The following UBTD2 variants were observed in gnomAD, a reference collection of about 807,000 sequenced individuals.
UBTD2 encodes ubiquitin domain containing 2.
Under a neutral mutation model 19.8 loss-of-function variants are expected in UBTD2, and 9 were observed. That is an observed-to-expected ratio of 0.46 (90% CI 0.27 to 0.79). UBTD2 has a LOEUF of 0.79. Ranked by LOEUF, UBTD2 falls within the 30% of genes least tolerant of loss-of-function variation. The pLI is 0.14. For missense variants in UBTD2, 250 were observed against 300.4 expected (o/e 0.83, Z 1.24); for synonymous variants, 98 against 103.9 (o/e 0.94, Z 0.35).
intron 1 of UBTD2, among the ~76,000 whole-genome samples, chr5:172,243,719 T>C (rs10077514): frequency 0.32 from 48,838 of 151,424 alleles, 7,950 homozygotes; most frequent in South Asian, 0.42. Context: ...CCTGCCACCA[T>C]GCCTGGCTAA....
chr5:172,257,856 G>A (rs1256723173), intron 1 of UBTD2, among the ~76,000 whole-genome samples: 2 of 152,104 alleles, frequency 1.3e-5, no homozygotes, highest in Non-Finnish European at 2.9e-5. Flanking sequence ...ATTTTTTAAT[G>A]GGGTTGTTTG....
At chr5:172,259,567 G>A (rs965235160) in intron 1 of UBTD2, among the ~76,000 whole-genome samples, 88 of 152,212 alleles carry the variant, frequency 5.8e-4, no homozygotes, top group Non-Finnish European at 1.2e-3. Flanking sequence ...ATGTATATAT[G>A]TTGTATGTGT....
chr5:172,264,317 C>T (rs547234344), intron 1 of UBTD2, among the ~76,000 whole-genome samples: 96 of 152,014 alleles, frequency 6.3e-4, no homozygotes, highest in African/African-American at 2.2e-3. Flanking sequence ...GAGGCTGAGG[C>T]GGGCGGATCA....
intron 1 of UBTD2, among the ~76,000 whole-genome samples, chr5:172,242,076 CCT>C (rs1159065743): frequency 6.6e-6 from 1 of 152,172 alleles, no homozygotes; most frequent in Non-Finnish European, 1.5e-5. Context: ...CACTTCCTCC[CCT>C]TTTTTTCTCT....
At chr5:172,230,014 G>C (rs1405654935) in intron 2 of UBTD2, among the ~76,000 whole-genome samples, 2 of 152,160 alleles carry the variant, frequency 1.3e-5, no homozygotes, top group Non-Finnish European at 2.9e-5. Context: ...ATAACATGCT[G>C]TGCAAATCAT....
chr5:172,258,577 TAAC>T (rs1755205748), intron 1 of UBTD2, among the ~76,000 whole-genome samples: 1 of 152,236 alleles, frequency 6.6e-6, no homozygotes, highest in Non-Finnish European at 1.5e-5. Context: ...ATGCCCATCT[TAAC>T]AATATTGATT....
chr5:172,268,836 A>T (rs904182796), intron 1 of UBTD2, among the ~76,000 whole-genome samples: 3 of 152,212 alleles, frequency 2.0e-5, no homozygotes, highest in African/African-American at 7.2e-5. Context: ...AAATGCTGAT[A>T]AGATCTGATT....
At chr5:172,235,441 C>G (rs1377753048) in intron 1 of UBTD2, among the ~76,000 whole-genome samples, 1 of 152,162 alleles carries the variant, frequency 6.6e-6, no homozygotes, top group Non-Finnish European at 1.5e-5. Context: ...CAAACAGGAA[C>G]TAATTTACAA....
intron 2 of UBTD2, among the ~76,000 whole-genome samples, chr5:172,233,632 G>C (rs569321787): frequency 1.3e-5 from 2 of 152,196 alleles, no homozygotes; most frequent in Non-Finnish European, 2.9e-5. Flanking sequence ...TCTAAGTTTG[G>C]GTTTGCTTAT....
intron 1 of UBTD2, among the ~76,000 whole-genome samples, chr5:172,259,607 T>G (rs1223575631): frequency 6.6e-6 from 1 of 152,118 alleles, no homozygotes; most frequent in Non-Finnish European, 1.5e-5. Flanking sequence ...TATAAATGTA[T>G]GTGTGTGGAG....
At chr5:172,212,572 A>G (rs1554126693) in intron 2 of UBTD2, among the ~76,000 whole-genome samples, 1 of 152,250 alleles carries the variant, frequency 6.6e-6, no homozygotes, top group Non-Finnish European at 1.5e-5. Flanking sequence ...TCTTTTACAG[A>G]AATGAATCCG....
intron 2 of UBTD2, among the ~76,000 whole-genome samples, chr5:172,228,491 C>T (rs553830163): frequency 2.0e-5 from 3 of 152,044 alleles, no homozygotes; most frequent in Admixed American, 6.6e-5. Context: ...GAGGCCGAGG[C>T]GGGTGGATTA....
intron 2 of UBTD2, among the ~76,000 whole-genome samples, chr5:172,213,177 G>C (rs1373535970): frequency 6.6e-6 from 1 of 151,698 alleles, no homozygotes; most frequent in East Asian, 1.9e-4. Context: ...TTTTGGGAGA[G>C]ACAGGGTCTC....
At chr5:172,245,711 C>CA (rs201413159) in intron 1 of UBTD2, among the ~76,000 whole-genome samples, 46,772 of 131,982 alleles carry the variant, frequency 0.35, 7,656 homozygotes, top group South Asian at 0.44. Context: ...GACACTGACT[C>CA]AAAAAAAAAA....
At chr5:172,250,153 G>A (rs1407260096) in intron 1 of UBTD2, among the ~76,000 whole-genome samples, 1 of 152,094 alleles carries the variant, frequency 6.6e-6, no homozygotes. Context: ...AACCTGGTAG[G>A]CGGAGGTTGC....
intron 1 of UBTD2, among the ~76,000 whole-genome samples, chr5:172,250,235 A>AAAAAT (rs778700321): frequency 3.9e-5 from 6 of 152,170 alleles, no homozygotes; most frequent in African/African-American, 7.2e-5. Flanking sequence ...TCCATCTCAA[A>AAAAAT]AAAATAAAAT....
chr5:172,264,933 G>A (rs907234894), intron 1 of UBTD2, among the ~76,000 whole-genome samples: 10 of 152,108 alleles, frequency 6.6e-5, no homozygotes, highest in Admixed American at 1.3e-4. Flanking sequence ...ATTCTTAAAA[G>A]TTGTTGTCAT....
intron 2 of UBTD2, among the ~76,000 whole-genome samples, chr5:172,218,817 T>TAAAAAAAAAAATAAAAAAA (rs1554127124): frequency 1.1e-5 from 1 of 89,654 alleles, no homozygotes; most frequent in Admixed American, 1.2e-4. Context: ...AAATAAAAAA[T>TAAAAAAAAAAATAAAAAAA]AAAAATAAAA....
At chr5:172,254,642 C>G (rs1346120103) in intron 1 of UBTD2, 1 of 628,568 alleles carries the variant, frequency 1.6e-6, no homozygotes, top group South Asian at 1.9e-5. Flanking sequence ...TGTGTATCCT[C>G]CACTTCGAGT....
Sources: gnomAD v4.1 joint callset for allele counts (sites outside exome capture counted in the v4.1 genomes callset) on GRCh38, gnomAD v4.1.1 for gene constraint, MANE v1.5 for transcripts, NCBI Gene and HGNC (gene_info 2026-07-23, HGNC 2026-07-21) for gene names.